The following SCN10A variants were observed in gnomAD, a reference collection of about 807,000 sequenced individuals.
SCN10A encodes sodium channel protein type 10 subunit alpha.
A neutral mutation model predicts 170.7 loss-of-function variants in SCN10A; 162 were observed. The observed-to-expected ratio is 0.95, with a 90% CI of 0.84 to 1.08. The LOEUF is 1.08. Among genes scored for constraint, SCN10A ranks in the 50% least tolerant of loss-of-function variants. The pLI is 0.00. For synonymous variants in SCN10A, 985 were observed against 904.6 expected, an observed-to-expected ratio of 1.09 and a Z score of -1.59; for missense variants, 2,527 against 2,436.9, an observed-to-expected ratio of 1.04 and a Z score of -0.78.
At chr3:38,793,673 T>C (rs2064313444) in intron 2 of SCN10A, 68 bp downstream of exon 2, 2 of 1,541,384 alleles carry the variant, frequency 1.3e-6, no homozygotes, top group South Asian at 2.5e-5. Flanking sequence ...GAGGACTTTC[T>C]GGGCTGGGTG....
At chr3:38,778,620 T>G (rs927889671) in intron 4 of SCN10A, among the ~76,000 whole-genome samples, 2 of 152,022 alleles carry the variant, frequency 1.3e-5, no homozygotes, top group Non-Finnish European at 2.9e-5. Flanking sequence ...AAAGATTGTG[T>G]TAAGAACATG....
At chr3:38,761,455 C>T in intron 6 of SCN10A, 72 bp from the exon 7 acceptor site, 1 of 1,349,006 alleles carries the variant, frequency 7.4e-7, no homozygotes, top group South Asian at 1.4e-5. Context: ...TTCATCTTAG[C>T]CATCCTCCTT....
chr3:38,796,708 G>T (rs951940283), intron 1 of SCN10A, among the ~76,000 whole-genome samples: 2 of 151,712 alleles, frequency 1.3e-5, no homozygotes, highest in African/African-American at 4.8e-5. Context: ...TCTTATTCTT[G>T]TACTCTTGGC....
In SCN10A at chr3:38,742,303, C is replaced by G. The variant is rs1205315141; in HGVS notation, c.2094G>C (p.Gln698His). ...GMSPTFEAML[Q>H]IGNIVFTIFF... is the part of the protein sequence containing the mutation. ...CCAGAGCACTCACGATGTTGCCTAT[C>G]TGGAGCATGGCTTCGAAGGTAGGGC... is the stretch of plus-strand genomic sequence containing the variant. Residue 698 changes from glutamine (Q) to histidine (H), a missense_variant, in exon 14 of 28, where the codon CAG becomes CAC. Transcript: ENST00000449082. 1 of 1,603,246 alleles carries G rather than the reference C, an allele frequency of 6.2e-7. No homozygotes were observed. The highest frequency in any genetic ancestry group is 8.5e-7 in the Non-Finnish European group (1 of 1,173,512).
intron 4 of SCN10A, 59 bp downstream of exon 4, chr3:38,788,897 G>T: frequency 9.7e-7 from 1 of 1,030,600 alleles, no homozygotes; most frequent in Non-Finnish European, 1.5e-6. Flanking sequence ...AGACTGCCAA[G>T]TGAAGGAAGA....
Position 38,736,116 on chromosome 3 carries a change from C to T in SCN10A, c.2280+3399G>A, listed in dbSNP as rs568181862. Among the ~76,000 whole-genome samples, 4 of 152,082 alleles carry T rather than the reference C, an allele frequency of 2.6e-5. No individual in the cohort carries two copies. In the South Asian group the frequency reaches 6.2e-4, roughly 24 times the overall value. ...TAAAGGAAAAGTATTCCAGGCACAG[C>T]GAAAAAAACTTCAAAGGCCCAAAGC... is the stretch of plus-strand genomic sequence containing the variant. On this transcript the variant is annotated intron_variant, in intron 15 of 27. Coordinates refer to ENST00000449082, the MANE Select transcript of SCN10A (RefSeq NM_006514.4).
chr3:38,741,302 A>C (rs1312974360), intron 14 of SCN10A, among the ~76,000 whole-genome samples: 1 of 151,890 alleles, frequency 6.6e-6, no homozygotes, highest in Non-Finnish European at 1.5e-5. Context: ...ACACACACAC[A>C]CACACACACA....
At chr3:38,801,135 G>T (rs1575187322) in intron 1 of SCN10A, among the ~76,000 whole-genome samples, 1 of 152,122 alleles carries the variant, frequency 6.6e-6, no homozygotes, top group Non-Finnish European at 1.5e-5. Context: ...ACCAGATTTT[G>T]TAGATCTTAG....
Position 38,728,662 on chromosome 3 carries a change from G to A in SCN10A, c.2520C>T (p.Leu840=). Residue 840 remains leucine (L), a synonymous_variant, in exon 16 of 28, where the codon CTC becomes CTT. Transcript: ENST00000449082. ...CTCCACAGAGGATACGGAAGACAAT[G>A]AGGAAAGAGTGGAAGAAGTCGTGCA... The part of the protein sequence containing the change: ...WHMHDFFHSF[L]IVFRILCGEW... 1 of 1,614,228 alleles carries A rather than the reference G, an allele frequency of 6.2e-7. No individual in the cohort carries two copies. The highest frequency in any genetic ancestry group is 8.5e-7 in the Non-Finnish European group (1 of 1,180,040).
chr3:38,755,755 G>A, intron 11 of SCN10A, 33 bp downstream of exon 11: 1 of 1,610,998 alleles, frequency 6.2e-7, no homozygotes, highest in Non-Finnish European at 8.5e-7. Context: ...GCAATGGTGG[G>A]TAATCTTTAG....
In SCN10A at chr3:38,726,775, C is replaced by T; in HGVS notation, c.2918G>A (p.Gly973Glu). 6 of 1,610,754 alleles carry T rather than the reference C, an allele frequency of 3.7e-6. No individual in the cohort carries two copies. The highest frequency in any genetic ancestry group is 5.1e-6 in the Non-Finnish European group (6 of 1,177,182). ...CCTGGGGCCTCTGGGAGCTTGGAGCCCTCCAGAGCTCCCCCTGGCAGTGTT... is the reference window on the plus strand; with the variant it reads ...CCTGGGGCCTCTGGGAGCTTGGAGCTCTCCAGAGCTCCCCCTGGCAGTGTT... ...AANTARGSSG[G>E]LQAPRGPRDE... Residue 973 changes from glycine (G) to glutamate (E), a missense_variant, in exon 17 of 28, where the codon GGG (glycine) becomes GAG (glutamate). Coordinates refer to ENST00000449082, the MANE Select transcript of SCN10A (RefSeq NM_006514.4).
chr3:38,746,670 G>T (rs767522254), intron 13 of SCN10A, among the ~76,000 whole-genome samples: 1 of 152,134 alleles, frequency 6.6e-6, no homozygotes, highest in African/African-American at 2.4e-5. Context: ...CTAGGTTACA[G>T]CTACATTAGG....
chr3:38,806,029 A>G (rs903220409), intron 1 of SCN10A, among the ~76,000 whole-genome samples: 1 of 152,150 alleles, frequency 6.6e-6, no homozygotes, highest in Non-Finnish European at 1.5e-5. Context: ...GAGAGGAAGG[A>G]ATGGGTGAGA....
Position 38,757,154 on chromosome 3 carries a change from C to A in SCN10A, c.956G>T (p.Cys319Phe). 3 of 1,598,132 alleles carry A rather than the reference C, an allele frequency of 1.9e-6. No individual in the cohort carries two copies. The highest frequency in any genetic ancestry group is 2.6e-6 in the Non-Finnish European group (3 of 1,173,094). Reference protein sequence around the residue: ...LCGNGSDSGHCPDGYICLKTS... With the variant: ...LCGNGSDSGHFPDGYICLKTS... ...TTTAAGGCAGATATAACCATCAGGG[C>A]AGTGGCTGCAGCAAGAACAGAGAAG... Residue 319 changes from cysteine to phenylalanine, a missense_variant, in exon 9 of 28, where the codon TGC becomes TTC. By Grantham distance (205) the Cys-to-Phe change is radical. Coordinates refer to ENST00000449082, the MANE Select transcript of SCN10A (RefSeq NM_006514.4).
chr3:38,725,124 C>T (rs889584121), intron 18 of SCN10A, 50 bp downstream of exon 18: 2 of 1,512,318 alleles, frequency 1.3e-6, no homozygotes, highest in African/African-American at 2.7e-5. Flanking sequence ...CAGCCCACTG[C>T]TCAGTGTCTG....
chr3:38,738,351 C>T (rs1010164688), intron 15 of SCN10A, among the ~76,000 whole-genome samples: 5 of 152,140 alleles, frequency 3.3e-5, no homozygotes, highest in African/African-American at 1.2e-4. Context: ...TATCCAGTGC[C>T]CACATCTCTT....
intron 5 of SCN10A, among the ~76,000 whole-genome samples, chr3:38,769,489 C>T (rs992245337): frequency 6.6e-6 from 1 of 152,098 alleles, no homozygotes; most frequent in African/African-American, 2.4e-5. Flanking sequence ...GATCTGCCCA[C>T]CTTGGCCTCC....
At chr3:38,779,218 A>G (rs897673374) in intron 4 of SCN10A, among the ~76,000 whole-genome samples, 9 of 152,138 alleles carry the variant, frequency 5.9e-5, no homozygotes, top group African/African-American at 1.2e-4. Context: ...ATGTCTATCA[A>G]TAGGAAAATA....
rs575521978 is a variant in SCN10A, at chr3:38,792,067, G to A, written c.372C>T (p.Ile124=). Residue 124 remains isoleucine, a synonymous_variant, in exon 3 of 28, where the codon ATC becomes ATT. Transcript: ENST00000449082. Reference sequence around the variant, plus strand: ...AAGGATATGAGTGGACAGACACTTTGATGGCCGTTCTTCTGATCAGGTTGA... The same window carrying A: ...AAGGATATGAGTGGACAGACACTTTAATGGCCGTTCTTCTGATCAGGTTGA... ...SPFNLIRRTA[I]KVSVHSWFSL... is the part of the protein sequence containing the mutation. 1.1e-5 allele frequency: 18 copies of A among 1,613,736 alleles called. No individual in the cohort carries two copies. In the East Asian group the frequency reaches 3.8e-4, roughly 34 times the overall value.
Sources: gnomAD v4.1 joint callset for allele counts (sites outside exome capture counted in the v4.1 genomes callset) on GRCh38, gnomAD v4.1.1 for gene constraint, MANE v1.5 for transcripts, NCBI Gene and HGNC (gene_info 2026-07-23, HGNC 2026-07-21) for gene names.